The following RSPO2 variants were observed in gnomAD, a reference collection of about 807,000 sequenced individuals.
RSPO2 encodes the protein R-spondin-2.
Under a neutral mutation model 30.9 loss-of-function variants are expected in RSPO2, and 14 were observed. That is an observed-to-expected ratio of 0.45 (90% CI 0.30 to 0.71). The LOEUF is 0.71. Among genes scored for constraint, RSPO2 ranks in the 30% least tolerant of loss-of-function variants. RSPO2 has a pLI of 0.08. For missense variants in RSPO2, 264 were observed against 301.9 expected, an observed-to-expected ratio of 0.87 and a Z score of 0.93; for synonymous variants, 107 against 96.4, an observed-to-expected ratio of 1.11 and a Z score of -0.64.
chr8:107,928,980 A>G (rs978217653), intron 5 of RSPO2, among the ~76,000 whole-genome samples: 14 of 152,168 alleles, frequency 9.2e-5, no homozygotes, highest in African/African-American at 3.4e-4. Flanking sequence ...TCCTTAAACC[A>G]ACCATATAAA....
chr8:107,906,868 T>G (rs1265065989), intron 5 of RSPO2, among the ~76,000 whole-genome samples: 1 of 151,998 alleles, frequency 6.6e-6, no homozygotes, highest in Non-Finnish European at 1.5e-5. Context: ...AAGCTAATAA[T>G]CAAGCGAATT....
At chr8:107,981,261 G>A (rs1049029598) in intron 3 of RSPO2, among the ~76,000 whole-genome samples, 5 of 152,094 alleles carry the variant, frequency 3.3e-5, no homozygotes, top group Non-Finnish European at 7.3e-5. Context: ...GCTCATGACT[G>A]TAATCTTAGC....
In RSPO2 at chr8:107,983,647, TTGAAGAGG is replaced by T; in HGVS notation, c.283+5401_283+5408del. ...GGAGCAGGCAACCAAAATTGCAGAT[TTGAAGAGG>T]CATGTGGAATTCCTTGTGGCAGAGA... is the stretch of plus-strand genomic sequence containing the variant. On this transcript the variant is annotated intron_variant, in intron 3 of 5. Coordinates refer to ENST00000276659, the MANE Select transcript of RSPO2 (RefSeq NM_178565.5). 24 of 1,595,228 alleles carry T rather than the reference TTGAAGAGG, an allele frequency of 1.5e-5. No individual in the cohort carries two copies. The South Asian group carries it at 2.7e-4, about 18-fold the overall frequency.
chr8:108,042,428 G>A (rs770520911), intron 2 of RSPO2, among the ~76,000 whole-genome samples: 1 of 152,090 alleles, frequency 6.6e-6, no homozygotes, highest in Non-Finnish European at 1.5e-5. Flanking sequence ...AAGGAAATCC[G>A]GAGATATGAG....
intron 5 of RSPO2, among the ~76,000 whole-genome samples, chr8:107,914,108 A>T (rs1325794948): frequency 6.6e-6 from 1 of 152,144 alleles, no homozygotes; most frequent in Non-Finnish European, 1.5e-5. Context: ...AGTAAAAGAC[A>T]TTACCTGGAG....
chr8:107,915,912 G>C (rs1323606382), intron 5 of RSPO2, among the ~76,000 whole-genome samples: 4 of 152,118 alleles, frequency 2.6e-5, no homozygotes, highest in African/African-American at 9.7e-5. Context: ...TTGGGGATCT[G>C]GCTTTGCCCT....
At chr8:107,944,940 G>A (rs1206525414) in intron 5 of RSPO2, among the ~76,000 whole-genome samples, 1 of 151,952 alleles carries the variant, frequency 6.6e-6, no homozygotes, top group East Asian at 1.9e-4. Flanking sequence ...TCCAAACCCT[G>A]AGAAAATCTA....
chr8:108,048,776 G>T (rs1811984662), intron 2 of RSPO2, among the ~76,000 whole-genome samples: 1 of 152,074 alleles, frequency 6.6e-6, no homozygotes, highest in Admixed American at 6.6e-5. Flanking sequence ...GTCAATTTTA[G>T]ATCTTTCCTG....
chr8:107,979,352 T>TA (rs1814338260), intron 3 of RSPO2, among the ~76,000 whole-genome samples: 1 of 152,060 alleles, frequency 6.6e-6, no homozygotes, highest in African/African-American at 2.4e-5. Flanking sequence ...TATGCAGCCA[T>TA]AAAAAAGGAT....
intron 2 of RSPO2, among the ~76,000 whole-genome samples, chr8:107,992,593 A>G (rs1378386935): frequency 1.3e-5 from 2 of 152,202 alleles, no homozygotes; most frequent in Non-Finnish European, 2.9e-5. Flanking sequence ...CACTGTTCAA[A>G]GAGATAATGG....
chr8:108,008,787 C>CAA (rs71308768), intron 2 of RSPO2, among the ~76,000 whole-genome samples: 1,536 of 123,688 alleles, frequency 0.012, 31 homozygotes, highest in African/African-American at 0.044. Context: ...TCATAAACTG[C>CAA]AAAAAAAAAA....
Position 108,059,993 on chromosome 8 carries a change from A to G in RSPO2, c.94+22552T>C, listed in dbSNP as rs372023371. 2.0e-4 allele frequency among the ~76,000 whole-genome samples: 30 copies of G among 151,552 alleles called. 1 individual carries two copies. Among genetic ancestry groups the G allele is most frequent in the East Asian group, 9.6e-4 (5 of 5,192 alleles). On this transcript the variant is annotated intron_variant, in intron 2 of 5. Coordinates refer to ENST00000276659, the MANE Select transcript of RSPO2 (RefSeq NM_178565.5). ...ATTGTGCACATGTACCCTAAAACTT[A>G]AAGTATAATACTAATAAAATAAAAT... is the stretch of plus-strand genomic sequence containing the variant.
intron 3 of RSPO2, among the ~76,000 whole-genome samples, chr8:107,965,984 C>G (rs1813789971): frequency 6.6e-6 from 1 of 152,066 alleles, no homozygotes; most frequent in Admixed American, 6.6e-5. Context: ...AAGCAGAGTC[C>G]TGGCAAGGGT....
chr8:108,022,940 A>G (rs567742441), intron 2 of RSPO2, among the ~76,000 whole-genome samples: 2 of 151,146 alleles, frequency 1.3e-5, no homozygotes, highest in South Asian at 4.2e-4. Context: ...AAACAAAAAA[A>G]AAAACCACAC....
intron 3 of RSPO2, among the ~76,000 whole-genome samples, chr8:107,973,144 C>T (rs1450242052): frequency 1.3e-5 from 2 of 151,964 alleles, no homozygotes; most frequent in Non-Finnish European, 2.9e-5. Flanking sequence ...GTGGCAGGCA[C>T]CTGTAGTCTC....
intron 3 of RSPO2, among the ~76,000 whole-genome samples, chr8:107,986,448 C>T (rs1017729888): frequency 5.3e-4 from 80 of 152,166 alleles, no homozygotes; most frequent in Non-Finnish European, 1.3e-4. Context: ...GATTTACAGT[C>T]ACTGCTCTCC....
intron 5 of RSPO2, among the ~76,000 whole-genome samples, chr8:107,949,307 C>T (rs1019364566): frequency 6.6e-6 from 1 of 152,176 alleles, no homozygotes; most frequent in South Asian, 2.1e-4. Context: ...TCTCTAACTC[C>T]ACCCAGGTTG....
chr8:107,975,264 T>C (rs996145219), intron 3 of RSPO2, among the ~76,000 whole-genome samples: 2 of 152,250 alleles, frequency 1.3e-5, no homozygotes, highest in Non-Finnish European at 2.9e-5. Context: ...CTTCATTAAA[T>C]GTAAAAATAG....
chr8:108,068,810 G>A lies in RSPO2; in HGVS notation c.94+13735C>T, dbSNP rs371039010. Reference sequence around the variant, plus strand: ...GGCTACCAGAGGCTGGAAGAAACAAGGAAGTCTCCTCCCCTAGAGTCTCAG... The same window carrying A: ...GGCTACCAGAGGCTGGAAGAAACAAAGAAGTCTCCTCCCCTAGAGTCTCAG... On this transcript the variant is annotated intron_variant, in intron 2 of 5. Coordinates refer to ENST00000276659, the MANE Select transcript of RSPO2 (RefSeq NM_178565.5). Among the ~76,000 whole-genome samples, 307 of 152,294 alleles carry A rather than the reference G, an allele frequency of 2.0e-3. 1 individual carries two copies. Among genetic ancestry groups the A allele is most frequent in the African/African-American group, 7.0e-3 (292 of 41,570 alleles).
Sources: allele counts gnomAD v4.1 joint callset (sites outside exome capture counted in the v4.1 genomes callset), GRCh38; gene constraint gnomAD v4.1.1; transcripts MANE v1.5; gene names NCBI Gene and HGNC (gene_info 2026-07-23, HGNC 2026-07-21).